The following ZNF277 variants were observed in gnomAD, a reference collection of about 807,000 sequenced individuals.
The protein encoded by ZNF277 is nuclear receptor-interacting factor 4.
ZNF277 carries 55 observed loss-of-function variants against 60.7 expected under a neutral mutation model. That is an observed-to-expected ratio of 0.91 (90% CI 0.73 to 1.13). The LOEUF (loss-of-function observed/expected upper bound fraction) is 1.13, where lower values mean the gene tolerates loss of function less well. ZNF277 is among the 50% of genes most tolerant of loss of function. The pLI is 0.00. For synonymous variants in ZNF277, 178 were observed against 179.3 expected, an observed-to-expected ratio of 0.99 and a Z score of 0.06; for missense variants, 510 against 523.0, an observed-to-expected ratio of 0.98 and a Z score of 0.24.
intron 2 of ZNF277, among the ~76,000 whole-genome samples, chr7:112,294,236 A>T (rs182647858): frequency 4.6e-5 from 7 of 152,306 alleles, no homozygotes; most frequent in Admixed American, 4.6e-4. Flanking sequence ...GAATGGAAAG[A>T]TAGAGACTAG....
intron 4 of ZNF277, among the ~76,000 whole-genome samples, chr7:112,310,943 T>G (rs554768680): frequency 7.9e-5 from 12 of 152,116 alleles, no homozygotes; most frequent in Non-Finnish European, 1.8e-4. Flanking sequence ...CCATAAAATG[T>G]TTTTGATAGC....
chr7:112,263,361 C>T (rs1791476621), intron 1 of ZNF277, among the ~76,000 whole-genome samples: 1 of 152,192 alleles, frequency 6.6e-6, no homozygotes, highest in Non-Finnish European at 1.5e-5. Context: ...ATTGAGTTCT[C>T]ACTGACCCAT....
chr7:112,245,509 A>T (rs1029183096), intron 1 of ZNF277, among the ~76,000 whole-genome samples: 1 of 152,224 alleles, frequency 6.6e-6, no homozygotes, highest in Non-Finnish European at 1.5e-5. Context: ...TGTCATAAAC[A>T]CAAAGGTTTT....
chr7:112,319,701 T>G (rs989534804), intron 5 of ZNF277, among the ~76,000 whole-genome samples: 2 of 147,934 alleles, frequency 1.4e-5, no homozygotes, highest in African/African-American at 2.5e-5. Flanking sequence ...AATTTATAAA[T>G]TAAATTTATA....
intron 1 of ZNF277, among the ~76,000 whole-genome samples, chr7:112,223,118 G>C (rs950893850): frequency 1.3e-5 from 2 of 152,158 alleles, no homozygotes; most frequent in African/African-American, 4.8e-5. Flanking sequence ...CCCTTTATAT[G>C]TATATGTTTC....
In ZNF277 at chr7:112,216,336, G is replaced by T. The variant is rs567160433; in HGVS notation, c.91+9529G>T. On this transcript the variant is annotated intron_variant, in intron 1 of 11. Coordinates refer to ENST00000361822, the MANE Select transcript of ZNF277 (RefSeq NM_021994.3). ...GTTTGTTTTTTGTTTTTTAGACAGG[G>T]TCTCACTCTTTTGCCCAGGCTGGAG... Among the ~76,000 whole-genome samples, 25 of 152,184 alleles carry T rather than the reference G, an allele frequency of 1.6e-4. No individual in the cohort carries two copies. In the East Asian group the frequency reaches 4.6e-3, roughly 28 times the overall value.
chr7:112,207,758 C>A (rs1159314339), intron 1 of ZNF277, among the ~76,000 whole-genome samples: 3 of 150,984 alleles, frequency 2.0e-5, no homozygotes, highest in Non-Finnish European at 2.9e-5. Context: ...CTTTGTTTTT[C>A]GATTTATTTG....
At chr7:112,318,150 GATA>G in intron 4 of ZNF277, 29 bp from the exon 5 acceptor site, 1 of 1,571,332 alleles carries the variant, frequency 6.4e-7, no homozygotes, top group Non-Finnish European at 8.8e-7. Context: ...TGTGCATTAA[GATA>G]ATACCATAAA....
chr7:112,291,109 A>G (rs1792197547), intron 2 of ZNF277, among the ~76,000 whole-genome samples: 1 of 152,148 alleles, frequency 6.6e-6, no homozygotes, highest in African/African-American at 2.4e-5. Flanking sequence ...AAAAATAAAA[A>G]TCTTTCCATT....
intron 1 of ZNF277, among the ~76,000 whole-genome samples, chr7:112,282,310 A>G (rs1791965382): frequency 6.6e-6 from 1 of 152,270 alleles, no homozygotes; most frequent in South Asian, 2.1e-4. Context: ...ACAGAATAGT[A>G]CAAATGCATC....
At chr7:112,274,891 T>A (rs192712569) in intron 1 of ZNF277, among the ~76,000 whole-genome samples, 270 of 152,238 alleles carry the variant, frequency 1.8e-3, no homozygotes, top group Middle Eastern at 6.8e-3. Flanking sequence ...TGTGTCAGAG[T>A]TTACCTTCCC....
chr7:112,335,496 C>T (rs1793311824), intron 7 of ZNF277, among the ~76,000 whole-genome samples: 1 of 152,110 alleles, frequency 6.6e-6, no homozygotes, highest in Admixed American at 6.6e-5. Context: ...AACTTTTCCA[C>T]TGATGGCAAA....
At chr7:112,234,115 AG>A (rs1159844068) in intron 1 of ZNF277, among the ~76,000 whole-genome samples, 3 of 152,152 alleles carry the variant, frequency 2.0e-5, no homozygotes, top group African/African-American at 2.4e-5. Flanking sequence ...CATTATTAAT[AG>A]GCATTCACAT....
At chr7:112,287,148 T>C in intron 2 of ZNF277, 74 bp downstream of exon 2, 1 of 1,507,820 alleles carries the variant, frequency 6.6e-7, no homozygotes, top group Non-Finnish European at 9.1e-7. Context: ...ATCCTAGTAC[T>C]TTGGGAGGCC....
At chr7:112,236,682 C>A (rs1445001139) in intron 1 of ZNF277, among the ~76,000 whole-genome samples, 2 of 152,022 alleles carry the variant, frequency 1.3e-5, no homozygotes, top group African/African-American at 4.8e-5. Context: ...TTCTACGAGT[C>A]CTCATTCACT....
chr7:112,316,753 A>G (rs1792852585), intron 4 of ZNF277, among the ~76,000 whole-genome samples: 1 of 152,042 alleles, frequency 6.6e-6, no homozygotes, highest in East Asian at 1.9e-4. Flanking sequence ...GCAATTCCTC[A>G]AGGATCTTGA....
At chr7:112,207,231 A>G (rs1405420771) in intron 1 of ZNF277, among the ~76,000 whole-genome samples, 4 of 152,108 alleles carry the variant, frequency 2.6e-5, no homozygotes, top group Non-Finnish European at 1.5e-5. Context: ...TTGACCTCGC[A>G]GGTGTGTTTT....
chr7:112,279,562 A>C (rs1791894544), intron 1 of ZNF277, among the ~76,000 whole-genome samples: 1 of 151,838 alleles, frequency 6.6e-6, no homozygotes. Flanking sequence ...TATGCTACTG[A>C]GTTGTATGAG....
chr7:112,336,312 G>A, intron 8 of ZNF277, 141 bp downstream of exon 8: 9 of 591,694 alleles, frequency 1.5e-5, no homozygotes, highest in South Asian at 4.0e-5. Context: ...CATGTAATGT[G>A]GCAAAAACTT....
Sources: allele counts gnomAD v4.1 joint callset (sites outside exome capture counted in the v4.1 genomes callset), GRCh38; gene constraint gnomAD v4.1.1; transcripts MANE v1.5; gene names NCBI Gene and HGNC (gene_info 2026-07-23, HGNC 2026-07-21).